Variants in FGF14 observed in about 807,000 individuals in gnomAD.
FGF14 encodes the protein fibroblast growth factor 14.
FGF14 carries 5 observed loss-of-function variants against 25.5 expected under a neutral mutation model. The observed-to-expected ratio is 0.20, with a 90% CI of 0.10 to 0.41. The LOEUF is 0.41. Ranked by LOEUF, FGF14 falls within the 10% of genes least tolerant of loss-of-function variation. The pLI, the probability that FGF14 is intolerant of heterozygous loss-of-function variation, is 1.00. For synonymous variants in FGF14, 138 were observed against 118.3 expected (o/e 1.17, Z -1.08); for missense variants, 222 against 320.1 (o/e 0.69, Z 2.34).
intron 1 of FGF14, among the ~76,000 whole-genome samples, chr13:102,277,445 C>G (rs560517053): frequency 6.6e-6 from 1 of 152,216 alleles, no homozygotes. Flanking sequence ...GGCCCCACCG[C>G]GTGCCCACTG....
chr13:102,360,764 C>G (rs979572770), intron 1 of FGF14, among the ~76,000 whole-genome samples: 2 of 152,116 alleles, frequency 1.3e-5, no homozygotes. Flanking sequence ...CTTAGATGGA[C>G]TTTTACCCTC....
chr13:101,851,596 G>A (rs1469516711), intron 3 of FGF14, among the ~76,000 whole-genome samples: 2 of 152,044 alleles, frequency 1.3e-5, no homozygotes, highest in African/African-American at 2.4e-5. Context: ...GTTTAAACAA[G>A]GCGATTCAAA....
At chr13:102,216,734 A>G (rs550445424) in intron 1 of FGF14, among the ~76,000 whole-genome samples, 2 of 138,402 alleles carry the variant, frequency 1.4e-5, no homozygotes, top group East Asian at 3.9e-4. Context: ...CAACTATGCA[A>G]TAGACCACCA....
intron 1 of FGF14, among the ~76,000 whole-genome samples, chr13:101,994,716 AAT>A (rs2039088568): frequency 6.6e-6 from 1 of 152,082 alleles, no homozygotes; most frequent in Non-Finnish European, 1.5e-5. Context: ...TGCAAAATTA[AAT>A]ATGAGCTAAT....
At chr13:102,041,866 C>A (rs1260078498) in intron 1 of FGF14, among the ~76,000 whole-genome samples, 1 of 152,154 alleles carries the variant, frequency 6.6e-6, no homozygotes, top group Non-Finnish European at 1.5e-5. Context: ...TCCTCACATT[C>A]CAACAGCATC....
intron 1 of FGF14, among the ~76,000 whole-genome samples, chr13:101,965,528 T>G (rs549182498): frequency 6.6e-6 from 1 of 152,306 alleles, no homozygotes; most frequent in South Asian, 2.1e-4. Flanking sequence ...TAAGAACAAC[T>G]GACAGAATCA....
At chr13:102,327,179 ACTATTTAAGTCC>A (rs1243269722) in intron 1 of FGF14, among the ~76,000 whole-genome samples, 1 of 152,214 alleles carries the variant, frequency 6.6e-6, no homozygotes, top group African/African-American at 2.4e-5. Flanking sequence ...AATTGCATAA[ACTATTTAAGTCC>A]CTATTTCTTT....
At chr13:101,808,055 T>G (rs74708769) in intron 3 of FGF14, among the ~76,000 whole-genome samples, 1 of 152,048 alleles carries the variant, frequency 6.6e-6, no homozygotes, top group Non-Finnish European at 1.5e-5. Context: ...AAATATACTA[T>G]ATATTGTTAT....
At chr13:102,282,806 A>C (rs2053911188) in intron 1 of FGF14, among the ~76,000 whole-genome samples, 1 of 151,900 alleles carries the variant, frequency 6.6e-6, no homozygotes, top group African/African-American at 2.4e-5. Context: ...CCATTGGCCA[A>C]GGCTGATCAC....
intron 1 of FGF14, among the ~76,000 whole-genome samples, chr13:102,101,033 A>C (rs2044637000): frequency 6.6e-6 from 1 of 151,676 alleles, no homozygotes; most frequent in South Asian, 2.1e-4. Context: ...CGGGAGGCGG[A>C]GGTTGCAGTG....
At chr13:102,242,624 T>C (rs375973656) in intron 1 of FGF14, among the ~76,000 whole-genome samples, 3 of 152,116 alleles carry the variant, frequency 2.0e-5, no homozygotes, top group Non-Finnish European at 4.4e-5. Flanking sequence ...ATCAGAGCCC[T>C]CATGCCCTAA....
intron 1 of FGF14, among the ~76,000 whole-genome samples, chr13:102,288,725 C>T (rs1465709299): frequency 6.6e-6 from 1 of 152,092 alleles, no homozygotes; most frequent in African/African-American, 2.4e-5. Context: ...GCTGAGGTTA[C>T]AGGCGCCTGC....
intron 1 of FGF14, among the ~76,000 whole-genome samples, chr13:101,948,971 T>C (rs550551001): frequency 7.2e-5 from 11 of 152,238 alleles, no homozygotes; most frequent in African/African-American, 2.6e-4. Flanking sequence ...GTCTCATTTG[T>C]ACGAATTTGA....
chr13:102,343,645 C>T (rs565228759), intron 1 of FGF14, among the ~76,000 whole-genome samples: 7 of 152,192 alleles, frequency 4.6e-5, no homozygotes, highest in Non-Finnish European at 7.3e-5. Context: ...GGCTTCCAAA[C>T]TAAATTTAAG....
intron 1 of FGF14, among the ~76,000 whole-genome samples, chr13:102,129,925 A>G (rs1281464658): frequency 2.0e-5 from 3 of 152,188 alleles, no homozygotes; most frequent in Non-Finnish European, 4.4e-5. Flanking sequence ...TCCTTGGGCC[A>G]AAATCAGCAA....
intron 1 of FGF14, among the ~76,000 whole-genome samples, chr13:102,192,932 T>C (rs922888483): frequency 6.6e-6 from 1 of 152,156 alleles, no homozygotes; most frequent in South Asian, 2.1e-4. Flanking sequence ...TTCTGCGCCC[T>C]CACTCCAACT....
intron 1 of FGF14, among the ~76,000 whole-genome samples, chr13:102,388,694 C>T (rs547000186): frequency 1.3e-5 from 2 of 152,304 alleles, no homozygotes; most frequent in South Asian, 4.1e-4. Context: ...CCATTTCGAA[C>T]TAACAGAAGG....
chr13:102,139,572 A>G (rs1323001391), intron 1 of FGF14, among the ~76,000 whole-genome samples: 6 of 152,194 alleles, frequency 3.9e-5, no homozygotes, highest in Non-Finnish European at 1.5e-5. Flanking sequence ...CCTATGAGCA[A>G]TGCTCCACGG....
intron 3 of FGF14, among the ~76,000 whole-genome samples, chr13:101,851,036 T>C (rs2043820125): frequency 6.6e-6 from 1 of 152,028 alleles, no homozygotes; most frequent in Non-Finnish European, 1.5e-5. Flanking sequence ...TGAATGAATG[T>C]AACTATGTTC....
Sources: allele counts gnomAD v4.1 joint callset (sites outside exome capture counted in the v4.1 genomes callset), GRCh38; gene constraint gnomAD v4.1.1; transcripts MANE v1.5; gene names NCBI Gene and HGNC (gene_info 2026-07-23, HGNC 2026-07-21).